Variants in UBR2 observed in about 807,000 individuals in gnomAD.
The protein encoded by UBR2 is ubiquitin protein ligase E3 component n-recognin 2.
Under a neutral mutation model 247.9 loss-of-function variants are expected in UBR2, and 92 were observed. The observed-to-expected ratio is 0.37, with a 90% CI of 0.31 to 0.44. The LOEUF is 0.44. UBR2 is among the 20% of genes least tolerant of loss of function. The pLI is 1.00. For synonymous variants in UBR2, 672 were observed against 693.5 expected, an observed-to-expected ratio of 0.97 and a Z score of 0.49; for missense variants, 1,613 against 2,112.6, an observed-to-expected ratio of 0.76 and a Z score of 4.64.
chr6:42,670,367 A>G (rs1165987740), intron 35 of UBR2, 127 bp downstream of exon 35: 4 of 1,230,576 alleles, frequency 3.3e-6, no homozygotes, highest in Non-Finnish European at 4.5e-6. Context: ...AAAAAGACTT[A>G]GAAGCAAGAA....
At chr6:42,636,353 A>G (rs1195289066) in intron 14 of UBR2, among the ~76,000 whole-genome samples, 4 of 151,580 alleles carry the variant, frequency 2.6e-5, no homozygotes, top group African/African-American at 7.3e-5. Context: ...TAATTTTTCT[A>G]TTTTTTGTAG....
rs947595877 is a variant in UBR2, at chr6:42,606,659, A to G, written c.864+8A>G. Reference sequence around the variant, plus strand: ...GCAAAATCAGTAATTGTGGTAAGTAATTTAAAAACATGCTTATATTATTTT... The same window carrying G: ...GCAAAATCAGTAATTGTGGTAAGTAGTTTAAAAACATGCTTATATTATTTT... On this transcript the variant is annotated splice_region_variant and intron_variant, in intron 7 of 46. Transcript: ENST00000372901. The G allele has an allele frequency of 6.3e-7, 1 of 1,591,190 alleles. No individual in the cohort carries two copies. Among genetic ancestry groups the G allele is most frequent in the Non-Finnish European group, 8.6e-7 (1 of 1,169,042 alleles).
At chr6:42,568,737 AAAT>A (rs1790932064) in intron 1 of UBR2, among the ~76,000 whole-genome samples, 1 of 152,304 alleles carries the variant, frequency 6.6e-6, no homozygotes, top group African/African-American at 2.4e-5. Flanking sequence ...CTCAAAAAAA[AAAT>A]AATAAAAATA....
Position 42,615,998 on chromosome 6 carries a change from C to A in UBR2, c.1094-4C>A. 1 of 1,570,474 alleles carries A rather than the reference C, an allele frequency of 6.4e-7. No individual in the cohort carries two copies. The highest frequency in any genetic ancestry group is 8.6e-7 in the Non-Finnish European group (1 of 1,163,322). On this transcript the variant is annotated splice_region_variant and splice_polypyrimidine_tract_variant and intron_variant, in intron 9 of 46. Coordinates refer to ENST00000372901, the MANE Select transcript of UBR2 (RefSeq NM_001363705.2). ...TATCTTATACCGTGATCTTTTTCTA[C>A]AAGGTGCTAGGAGTGTATATCATCA... is the stretch of plus-strand genomic sequence containing the variant.
intron 26 of UBR2, 117 bp from the exon 27 acceptor site, chr6:42,657,907 A>G (rs2151971814): frequency 4.4e-6 from 3 of 676,358 alleles, no homozygotes; most frequent in Non-Finnish European, 7.5e-6. Context: ...TGGTAGAGCC[A>G]TAATCAAATT....
chr6:42,661,322 A>C (rs1267748776), intron 30 of UBR2, among the ~76,000 whole-genome samples: 1 of 152,150 alleles, frequency 6.6e-6, no homozygotes, highest in Non-Finnish European at 1.5e-5. Flanking sequence ...GTGCTTTATA[A>C]ATTTCATTCC....
chr6:42,673,687 C>A, intron 36 of UBR2, 104 bp from the exon 37 acceptor site: 1 of 722,824 alleles, frequency 1.4e-6, no homozygotes, highest in South Asian at 1.7e-5. Flanking sequence ...TCCATACCAT[C>A]TAGAGCAGTT....
Position 42,632,868 on chromosome 6 carries a change from G to A in UBR2, c.1509G>A (p.Gly503=), listed in dbSNP as rs1795833233. ...AGCTGAGGCAGAAGTTCCTAGAAGGGTTTGATGCCTTTTTGGAATTACTAA... is the reference window on the plus strand; with the variant it reads ...AGCTGAGGCAGAAGTTCCTAGAAGGATTTGATGCCTTTTTGGAATTACTAA... The part of the protein sequence containing the change: ...SDELRQKFLE[G]FDAFLELLKC... Residue 503 remains glycine (G), a synonymous_variant, in exon 13 of 47, where the codon GGG becomes GGA. Coordinates refer to ENST00000372901, the MANE Select transcript of UBR2 (RefSeq NM_001363705.2). 1.9e-6 allele frequency: 3 copies of A among 1,597,764 alleles called. No individual in the cohort carries two copies. The South Asian group carries it at 3.4e-5, about 18-fold the overall frequency.
chr6:42,601,871 T>C (rs1267100996), intron 4 of UBR2, among the ~76,000 whole-genome samples: 1 of 132,878 alleles, frequency 7.5e-6, no homozygotes, highest in Non-Finnish European at 1.6e-5. Flanking sequence ...ATTCTTTTTT[T>C]TTTCTTTTTT....
chr6:42,686,531 C>T (rs981073805), intron 44 of UBR2, among the ~76,000 whole-genome samples: 2 of 152,194 alleles, frequency 1.3e-5, no homozygotes, highest in African/African-American at 4.8e-5. Flanking sequence ...CCCACATTTC[C>T]CCCTTTTCTA....
rs1562310972 is a variant in UBR2 at position 42,614,229 on chromosome 6, CACACACACACA to C, written c.986-841_986-831del. Among the ~76,000 whole-genome samples the C allele has an allele frequency of 1.4e-4, 8 of 57,194 alleles. 1 individual carries two copies. The highest frequency in any genetic ancestry group is 4.4e-4 in the African/African-American group (8 of 18,066). 37.5% of individuals were successfully genotyped at this position (57,194 alleles called of 152,430 possible). ...AACTATATATATATACACACACACA[CACACACACACA>C]CACACGCGCGCACATATATATACAC... On this transcript the variant is annotated intron_variant, in intron 8 of 46. Transcript: ENST00000372901.
At chr6:42,595,460 C>T (rs1039085190) in intron 4 of UBR2, among the ~76,000 whole-genome samples, 2 of 152,126 alleles carry the variant, frequency 1.3e-5, no homozygotes, top group Non-Finnish European at 2.9e-5. Flanking sequence ...AATAGTCCTT[C>T]CTCAGCCAGG....
Position 42,612,211 on chromosome 6 carries a change from T to C in UBR2, c.905T>C (p.Val302Ala), listed in dbSNP as rs776815056. ...CAGACAAAGCCACTCAAAGTTCAAG[T>C]TATGCATTCGTCTATTGTCGCACAT... ...SRQTKPLKVQVMHSSIVAHQN... is the reference protein window; with the variant it reads ...SRQTKPLKVQAMHSSIVAHQN... The change falls in exon 8 of 47, where the codon GTT becomes GCT. Residue 302 changes from valine to alanine, a missense_variant. Val to Ala is a moderately conservative substitution (Grantham distance 64, BLOSUM62 0). Transcript: ENST00000372901. The C allele has an allele frequency of 2.6e-6, 4 of 1,555,690 alleles. No individual in the cohort carries two copies. In the African/African-American group the frequency reaches 5.4e-5, roughly 21 times the overall value.
chr6:42,592,039 C>CA (rs1313303058), intron 2 of UBR2, 112 bp from the exon 3 acceptor site: 3 of 1,052,878 alleles, frequency 2.8e-6, no homozygotes, highest in South Asian at 1.6e-5. Flanking sequence ...TTTAAAACAC[C>CA]AAAAAACTTC....
chr6:42,679,650 T>G (rs984317331), intron 41 of UBR2, 74 bp from the exon 42 acceptor site: 14 of 1,092,292 alleles, frequency 1.3e-5, no homozygotes, highest in Admixed American at 2.1e-5. Context: ...TTTTAAACTC[T>G]GCTATTGCTT....
chr6:42,581,172 T>C (rs1241666027), intron 2 of UBR2, among the ~76,000 whole-genome samples: 1 of 145,248 alleles, frequency 6.9e-6, no homozygotes, highest in East Asian at 2.0e-4. Flanking sequence ...TGTCACTATG[T>C]TGACTAATTT....
At chr6:42,644,366 C>T in intron 19 of UBR2, 30 bp downstream of exon 19, 1 of 1,608,636 alleles carries the variant, frequency 6.2e-7, no homozygotes, top group Admixed American at 1.7e-5. Flanking sequence ...AACCACAACA[C>T]ATTGCTAAAG....
At chr6:42,680,357 A>G (rs956993467) in intron 42 of UBR2, among the ~76,000 whole-genome samples, 5 of 152,190 alleles carry the variant, frequency 3.3e-5, no homozygotes, top group South Asian at 2.1e-4. Flanking sequence ...AATAGCATAA[A>G]CAAATTTGCA....
rs144986326 is a variant in UBR2, at chr6:42,689,257, G to T, written c.5025-312G>T. 2.0e-5 allele frequency among the ~76,000 whole-genome samples: 3 copies of T among 152,138 alleles called. No individual in the cohort carries two copies. Among genetic ancestry groups the T allele is most frequent in the Admixed American group, 2.0e-4 (3 of 15,272 alleles). ...GAGTGTGGGCTCCTCTGGAGCATAG[G>T]TTGTATCCATAGCTTAGTCATCCCC... On this transcript the variant is annotated intron_variant, in intron 45 of 46. Coordinates refer to ENST00000372901, the MANE Select transcript of UBR2 (RefSeq NM_001363705.2). This position sits in a 1 kb window ranked among gnomAD's most constrained non-coding sequence, Gnocchi z 4.0.
Sources: gnomAD v4.1 joint callset for allele counts (sites outside exome capture counted in the v4.1 genomes callset) on GRCh38, gnomAD v4.1.1 for gene constraint, Gnocchi (gnomAD v3.1) non-coding constraint, MANE v1.5 for transcripts, NCBI Gene and HGNC (gene_info 2026-07-23, HGNC 2026-07-21) for gene names.